Variants in ADAP1 observed in about 807,000 individuals in gnomAD.
The protein encoded by ADAP1 is arf-GAP with dual PH domain-containing protein 1.
In ADAP1, 31 loss-of-function variants were observed where a neutral mutation model predicts 54.9. The ratio of observed to expected loss-of-function variants is 0.56; its 90% CI spans 0.42 to 0.76. The LOEUF (loss-of-function observed/expected upper bound fraction) is 0.76, where lower values mean the gene tolerates loss of function less well. ADAP1 is among the 30% of genes least tolerant of loss of function. The probability of loss-of-function intolerance (pLI) is 0.00; values close to 1 mark genes in which losing one functional copy is unlikely to be tolerated. For synonymous variants in ADAP1, 313 were observed against 202.6 expected (o/e 1.55, Z -4.63); for missense variants, 535 against 512.4 (o/e 1.04, Z -0.42).
At chr7:954,703 AC>A, upstream of ADAP1, 2 of 981,342 alleles carry the variant, frequency 2.0e-6, no homozygotes, top group Non-Finnish European at 2.4e-6. Flanking sequence ...CCCGGGGCGC[AC>A]GCTGCGCTCT....
At chr7:935,291 G>A in intron 2 of ADAP1, 84 bp downstream of exon 2, 2 of 1,503,852 alleles carry the variant, frequency 1.3e-6, no homozygotes, top group Non-Finnish European at 1.8e-6. Context: ...CCACAGCCAG[G>A]CCGCCCGGCA....
intron 4 of ADAP1, among the ~76,000 whole-genome samples, chr7:906,653 A>G (rs1466703010): frequency 1.7e-5 from 2 of 116,978 alleles, no homozygotes; most frequent in Non-Finnish European, 1.7e-5. Context: ...GGAAAGGAGA[A>G]AGGGGGCGGG....
At position 937,492 on chromosome 7, in the gene ADAP1, G is replaced by A. The variant is rs1463816780; in HGVS notation, c.83-1987C>T. Among the ~76,000 whole-genome samples the A allele has an allele frequency of 1.1e-4, 3 of 27,364 alleles. 1 individual carries two copies. The highest frequency in any genetic ancestry group is 6.1e-4 in the Admixed American group (2 of 3,298). 18.0% of individuals were successfully genotyped at this position (27,364 alleles called of 152,430 possible). A position where few individuals can be genotyped will look rare whatever the true frequency, so the allele number is the denominator to read the frequency against. Reference sequence around the variant, plus strand: ...CATGCCCGGCCTCTGGGATTTGGAGGTCATGCCCGGCCTCTGGGATTTGGA... The same window carrying A: ...CATGCCCGGCCTCTGGGATTTGGAGATCATGCCCGGCCTCTGGGATTTGGA... On this transcript the variant is annotated intron_variant, in intron 1 of 10. Coordinates refer to ENST00000265846, the MANE Select transcript of ADAP1 (RefSeq NM_006869.4).
At chr7:900,407 C>T (rs931372207) in intron 7 of ADAP1, 126 bp downstream of exon 7, 6 of 1,113,428 alleles carry the variant, frequency 5.4e-6, no homozygotes, top group Non-Finnish European at 7.8e-6. Flanking sequence ...CAGGGTGAGC[C>T]CTTGGCCAGT....
intron 4 of ADAP1, among the ~76,000 whole-genome samples, chr7:912,801 A>G (rs1845776739): frequency 6.7e-6 from 1 of 150,234 alleles, no homozygotes; most frequent in Non-Finnish European, 1.5e-5. Context: ...CCCAGGTTCA[A>G]GCTATTCTCC....
intron 2 of ADAP1, among the ~76,000 whole-genome samples, chr7:933,163 C>T (rs908709143): frequency 7.3e-5 from 11 of 151,496 alleles, no homozygotes; most frequent in Admixed American, 3.9e-4. Context: ...CCCAGCCACT[C>T]GGGAGGCTGA....
Position 920,880 on chromosome 7 carries a change from A to G in ADAP1, c.306-830T>C. The G allele has an allele frequency of 6.5e-7, 1 of 1,549,982 alleles. No individual in the cohort carries two copies. The highest frequency in any genetic ancestry group is 8.7e-7 in the Non-Finnish European group (1 of 1,146,754). ...AGCCGCCCCAGCCTTTTCCACTCCC[A>G]GGGAATTACGCGGCAAAGAACAAAT... On this transcript the variant is annotated intron_variant, in intron 3 of 10. Coordinates refer to ENST00000265846, the MANE Select transcript of ADAP1 (RefSeq NM_006869.4). The surrounding 1 kb of genome is among the most constrained non-coding windows in gnomAD (Gnocchi z 4.5).
At chr7:932,718 C>T (rs1180579628) in intron 2 of ADAP1, among the ~76,000 whole-genome samples, 1 of 152,048 alleles carries the variant, frequency 6.6e-6, no homozygotes, top group Non-Finnish European at 1.5e-5. Flanking sequence ...GGTCGAAGGG[C>T]GAAGGGACGG....
Position 950,723 on chromosome 7 carries a change from G to A in ADAP1, c.82+3673C>T, listed in dbSNP as rs189782861. ...AATACAAAAATTAGCCGGGCGTGGT[G>A]GCAGGCGCCTGTAATCCCAGCTACT... On this transcript the variant is annotated intron_variant, in intron 1 of 10. Coordinates refer to ENST00000265846, the MANE Select transcript of ADAP1 (RefSeq NM_006869.4). Among the ~76,000 whole-genome samples the A allele has an allele frequency of 5.9e-4, 89 of 151,568 alleles. 1 individual carries two copies. Among genetic ancestry groups the A allele is most frequent in the African/African-American group, 1.3e-3 (54 of 41,320 alleles).
At chr7:928,355 C>A (rs1846457003) in intron 2 of ADAP1, among the ~76,000 whole-genome samples, 1 of 152,060 alleles carries the variant, frequency 6.6e-6, no homozygotes, top group African/African-American at 2.4e-5. Context: ...AAGAGCAAGA[C>A]CCTATCTCTG....
intron 7 of ADAP1, 148 bp from the exon 8 acceptor site, chr7:900,312 C>T (rs1365171820): frequency 2.9e-6 from 3 of 1,037,700 alleles, no homozygotes; most frequent in Admixed American, 2.3e-5. Context: ...CACATTTCTG[C>T]CTCTGCTTGC....
At chr7:916,663 C>T (rs748521843) in intron 4 of ADAP1, among the ~76,000 whole-genome samples, 3 of 152,210 alleles carry the variant, frequency 2.0e-5, no homozygotes, top group African/African-American at 4.8e-5. Context: ...CTCCCTCACA[C>T]ACACAGGGAT....
chr7:915,574 T>A (rs1373662797), intron 4 of ADAP1, among the ~76,000 whole-genome samples: 1 of 152,156 alleles, frequency 6.6e-6, no homozygotes, highest in Non-Finnish European at 1.5e-5. Context: ...GGGAGGCCTC[T>A]CCCTCCCTCC....
Position 945,886 on chromosome 7 carries a change from G to T in ADAP1, c.82+8510C>A. ...GGGGCAGGCGTGTCCCCCAAGCCAA[G>T]GCCCAGGCTGGGGCACGGGCAGGGG... On this transcript the variant is annotated intron_variant, in intron 1 of 10. Coordinates refer to ENST00000265846, the MANE Select transcript of ADAP1 (RefSeq NM_006869.4). The surrounding 1 kb of genome is among the most constrained non-coding windows in gnomAD (Gnocchi z 4.2). 4 of 961,498 alleles carry T rather than the reference G, an allele frequency of 4.2e-6. No homozygotes were observed. The highest frequency in any genetic ancestry group is 4.9e-6 in the Non-Finnish European group (4 of 808,088). 59.6% of individuals were successfully genotyped at this position (961,498 alleles called of 1,614,324 possible).
intron 1 of ADAP1, among the ~76,000 whole-genome samples, chr7:943,221 AGAGAGGAGGAGGAAGG>A (rs1362222140): frequency 2.7e-4 from 7 of 25,536 alleles, no homozygotes; most frequent in African/African-American, 1.3e-3. Flanking sequence ...GAGGAGGAAG[AGAGAGGAGGAGGAAGG>A]GAGAGAGGAG....
At chr7:936,789 C>G (rs1336091687) in intron 1 of ADAP1, among the ~76,000 whole-genome samples, 1 of 152,234 alleles carries the variant, frequency 6.6e-6, no homozygotes, top group Non-Finnish European at 1.5e-5. Flanking sequence ...GGCGCTTCCC[C>G]ACAAGCAGGT....
Position 899,194 on chromosome 7 carries a change from A to T in ADAP1, c.935T>A (p.Phe312Tyr). ...KESGYTVLHG[F>Y]PPSTQGHHWP... ...GTGGTGGCCCTGGGTGGACGGCGGG[A>T]ACCCATGCAGCACCGTGTAGCCACT... The change falls in exon 10 of 11, where the codon TTC (phenylalanine) becomes TAC (tyrosine). Residue 312 changes from phenylalanine (F) to tyrosine (Y), a missense_variant. Phe to Tyr is a conservative substitution (Grantham distance 22). Coordinates refer to ENST00000265846, the MANE Select transcript of ADAP1 (RefSeq NM_006869.4). 1.2e-6 allele frequency: 2 copies of T among 1,612,552 alleles called. No homozygotes were observed. The highest frequency in any genetic ancestry group is 1.7e-6 in the Non-Finnish European group (2 of 1,179,966).
chr7:951,309 C>T (rs1030592521), intron 1 of ADAP1, among the ~76,000 whole-genome samples: 2 of 150,580 alleles, frequency 1.3e-5, no homozygotes, highest in African/African-American at 4.9e-5. Context: ...GGAGGGGGAG[C>T]TTGCAGTGAG....
At chr7:918,124 C>CA (rs2128103875) in intron 4 of ADAP1, among the ~76,000 whole-genome samples, 1 of 152,298 alleles carries the variant, frequency 6.6e-6, no homozygotes, top group Non-Finnish European at 1.5e-5. Context: ...GACGGGGTTT[C>CA]ACCATGTTGG....
Sources: allele counts gnomAD v4.1 joint callset (sites outside exome capture counted in the v4.1 genomes callset), GRCh38; gene constraint gnomAD v4.1.1; non-coding constraint Gnocchi (gnomAD v3.1); transcripts MANE v1.5; gene names NCBI Gene and HGNC (gene_info 2026-07-23, HGNC 2026-07-21).